Variants in FAM222A observed in about 807,000 individuals in gnomAD.
The protein encoded by FAM222A is protein FAM222A.
FAM222A carries 7 observed loss-of-function variants against 25.8 expected under a neutral mutation model. That is an observed-to-expected ratio of 0.27 (90% CI 0.15 to 0.51). FAM222A has a LOEUF of 0.51. Among genes scored for constraint, FAM222A ranks in the 20% least tolerant of loss-of-function variants. FAM222A has a pLI of 0.97. For missense variants in FAM222A, 573 were observed against 640.5 expected (o/e 0.89, Z 1.14); for synonymous variants, 294 against 298.8 (o/e 0.98, Z 0.17).
chr12:109,767,240 A>T (rs1401367301), intron 2 of FAM222A, among the ~76,000 whole-genome samples: 1 of 151,762 alleles, frequency 6.6e-6, no homozygotes, highest in Non-Finnish European at 1.5e-5. Context: ...AAGAATAGAA[A>T]GGTTGGGCCA....
At chr12:109,740,238 G>C (rs1384295590) in intron 1 of FAM222A, among the ~76,000 whole-genome samples, 1 of 152,034 alleles carries the variant, frequency 6.6e-6, no homozygotes, top group African/African-American at 2.4e-5. Context: ...AGGACACATC[G>C]ACAGCTGGGG....
chr12:109,768,543 A>G lies in FAM222A; in HGVS notation c.614A>G (p.Gln205Arg). 2 of 1,603,710 alleles carry G rather than the reference A, an allele frequency of 1.2e-6. No homozygotes were observed. The highest frequency in any genetic ancestry group is 2.2e-5 in the South Asian group (2 of 90,790). Reference sequence around the variant, plus strand: ...CCCTCCATCCACAGCCTCCTGTACCAGCTCAACCAGCAGTGCCAGGCCCCG... The same window carrying G: ...CCCTCCATCCACAGCCTCCTGTACCGGCTCAACCAGCAGTGCCAGGCCCCG... ...NLPSIHSLLYQLNQQCQAPGA... is the reference protein window; with the variant it reads ...NLPSIHSLLYRLNQQCQAPGA... Residue 205 changes from glutamine (Q) to arginine (R), a missense_variant, in exon 3 of 3, where the codon CAG becomes CGG. By Grantham distance (43) the Gln-to-Arg change is conservative. Transcript: ENST00000538780.
intron 1 of FAM222A, among the ~76,000 whole-genome samples, chr12:109,739,088 G>T (rs1291108197): frequency 6.6e-6 from 1 of 152,234 alleles, no homozygotes; most frequent in Admixed American, 6.5e-5. Flanking sequence ...AAGCCAGGTG[G>T]GTAGCTCTAG....
In FAM222A at chr12:109,769,299, G is replaced by GCGGACATA. The variant is rs754243612; in HGVS notation, c.*19_*26dup. 7 of 1,600,130 alleles carry GCGGACATA rather than the reference G, an allele frequency of 4.4e-6. No individual in the cohort carries two copies. The highest frequency in any genetic ancestry group is 1.7e-5 in the Admixed American group (1 of 59,108). ...CCCGTCTACAGATAAGGCCTGCCCT[G>GCGGACATA]CGGACATACGGACATGCGGACAGGG... On this transcript the variant is annotated 3_prime_UTR_variant, in exon 3 of 3. Transcript: ENST00000538780.
chr12:109,733,793 C>T (rs1888007226), intron 1 of FAM222A, among the ~76,000 whole-genome samples: 1 of 152,080 alleles, frequency 6.6e-6, no homozygotes, highest in Non-Finnish European at 1.5e-5. Context: ...GGGGTGGGGA[C>T]AGGGTTGGCT....
At chr12:109,717,002 C>G (rs762277721) in intron 1 of FAM222A, among the ~76,000 whole-genome samples, 19 of 152,208 alleles carry the variant, frequency 1.2e-4, no homozygotes, top group Non-Finnish European at 2.2e-4. Flanking sequence ...TGCAGAGGTT[C>G]GGTCCTGAAT....
intron 1 of FAM222A, among the ~76,000 whole-genome samples, chr12:109,732,055 T>C (rs551805803): frequency 6.6e-6 from 1 of 152,206 alleles, no homozygotes; most frequent in South Asian, 2.1e-4. Context: ...TGTAGTCACA[T>C]CACAGTAAGA....
intron 2 of FAM222A, among the ~76,000 whole-genome samples, chr12:109,751,633 A>C (rs1203286194): frequency 6.6e-6 from 1 of 152,214 alleles, no homozygotes; most frequent in Non-Finnish European, 1.5e-5. Flanking sequence ...CCTCAGACCC[A>C]GGTTCCTGAA....
At chr12:109,730,907 A>T (rs1397055680) in intron 1 of FAM222A, among the ~76,000 whole-genome samples, 1 of 152,122 alleles carries the variant, frequency 6.6e-6, no homozygotes, top group Admixed American at 6.6e-5. Context: ...CCCTGAGCCC[A>T]TCACTGTCAT....
chr12:109,753,754 C>T (rs1414677755), intron 2 of FAM222A, among the ~76,000 whole-genome samples: 1 of 150,902 alleles, frequency 6.6e-6, no homozygotes, highest in Admixed American at 6.6e-5. Context: ...GCTGGAGCTA[C>T]TGCCTAAGTG....
chr12:109,756,457 G>A (rs1481386770), intron 2 of FAM222A, among the ~76,000 whole-genome samples: 1 of 149,050 alleles, frequency 6.7e-6, no homozygotes, highest in East Asian at 2.0e-4. Context: ...GAATAGGAGT[G>A]GAAAGATACT....
At position 109,769,630 on chromosome 12, in the gene FAM222A, G is replaced by T; in HGVS notation, c.*342G>T. 1 of 320,922 alleles carries T rather than the reference G, an allele frequency of 3.1e-6. No homozygotes were observed. Among genetic ancestry groups the T allele is most frequent in the Non-Finnish European group, 5.8e-6 (1 of 172,778 alleles). 19.9% of individuals were successfully genotyped at this position (320,922 alleles called of 1,614,324 possible). Reference sequence around the variant, plus strand: ...TCTTTCTGGGCCTCCTGGGACAGGGGCCCAGGCCAAGGTGGGGTGCAGGAG... The same window carrying T: ...TCTTTCTGGGCCTCCTGGGACAGGGTCCCAGGCCAAGGTGGGGTGCAGGAG... On this transcript the variant is annotated 3_prime_UTR_variant, in exon 3 of 3. Coordinates refer to ENST00000538780, the MANE Select transcript of FAM222A (RefSeq NM_032829.3).
At chr12:109,751,547 A>G (rs973775707) in intron 2 of FAM222A, among the ~76,000 whole-genome samples, 2 of 152,240 alleles carry the variant, frequency 1.3e-5, no homozygotes, top group African/African-American at 4.8e-5. Context: ...GGGAAAAGCC[A>G]GGGCCATGTC....
At chr12:109,765,700 C>G (rs576548758) in intron 2 of FAM222A, among the ~76,000 whole-genome samples, 8 of 152,056 alleles carry the variant, frequency 5.3e-5, no homozygotes, top group Admixed American at 2.0e-4. Flanking sequence ...GTGTCAGGGA[C>G]GATGCTTTAG....
At position 109,768,631 on chromosome 12, in the gene FAM222A, C is replaced by T. The variant is rs771541336; in HGVS notation, c.702C>T (p.Gly234=). The change falls in exon 3 of 3, where the codon GGC becomes GGT. Residue 234 remains glycine (G), a synonymous_variant. Coordinates refer to ENST00000538780, the MANE Select transcript of FAM222A (RefSeq NM_032829.3). ...AIPHPSPAKH[G]PVPSFPSMAY... is the part of the protein sequence containing the mutation. ...CCCATCCCAGCCCTGCCAAGCACGG[C>T]CCAGTGCCCAGCTTCCCCAGCATGG... 3 of 1,602,016 alleles carry T rather than the reference C, an allele frequency of 1.9e-6. No individual in the cohort carries two copies. Among genetic ancestry groups the T allele is most frequent in the Non-Finnish European group, 2.5e-6 (3 of 1,179,360 alleles).
chr12:109,768,212 C>T lies in FAM222A; in HGVS notation c.283C>T (p.His95Tyr). ...SGQRYSPYPQ[H>Y]TAGYQGLLAI... ...CCAGCGCTACAGCCCCTACCCACAGCACACCGCTGGCTACCAGGGCCTTCT... is the reference window on the plus strand; with the variant it reads ...CCAGCGCTACAGCCCCTACCCACAGTACACCGCTGGCTACCAGGGCCTTCT... Residue 95 changes from histidine to tyrosine, a missense_variant, in exon 3 of 3, where the codon CAC (histidine) becomes TAC (tyrosine). His to Tyr is a moderately conservative substitution (Grantham distance 83). Around this residue, in one of 3 missense-constraint regions of FAM222A, gnomAD observed 112 missense variants for 154.6 expected, o/e 0.72. Coordinates refer to ENST00000538780, the MANE Select transcript of FAM222A (RefSeq NM_032829.3). 1 of 1,612,852 alleles carries T rather than the reference C, an allele frequency of 6.2e-7. No homozygotes were observed. The highest frequency in any genetic ancestry group is 1.3e-5 in the African/African-American group (1 of 75,034).
In FAM222A at chr12:109,769,225, G is replaced by T; in HGVS notation, c.1296G>T (p.Thr432=). Reference sequence around the variant, plus strand: ...AGATGCTGGGCAAGGGCTATGAGACGGTGGCCGTGCCCCGGCTACTCGACC... The same window carrying T: ...AGATGCTGGGCAAGGGCTATGAGACTGTGGCCGTGCCCCGGCTACTCGACC... The part of the protein sequence containing the change: ...KEQMLGKGYE[T]VAVPRLLDHQ... The change falls in exon 3 of 3, where the codon ACG becomes ACT. Residue 432 remains threonine, a synonymous_variant. Coordinates refer to ENST00000538780, the MANE Select transcript of FAM222A (RefSeq NM_032829.3). 1 of 1,611,858 alleles carries T rather than the reference G, an allele frequency of 6.2e-7. No individual in the cohort carries two copies. The highest frequency in any genetic ancestry group is 8.5e-7 in the Non-Finnish European group (1 of 1,179,614).
chr12:109,770,494 C>T lies in FAM222A; in HGVS notation c.*1206C>T, dbSNP rs147566026. 8 of 152,582 alleles carry T rather than the reference C, an allele frequency of 5.2e-5. No homozygotes were observed. In the East Asian group the frequency reaches 7.7e-4, roughly 15 times the overall value. 9.5% of individuals were successfully genotyped at this position (152,582 alleles called of 1,614,324 possible). ...AAGAGAAAGAAGAAAAAGGAAAACA[C>T]AGATGGTGTCTCAGCTGTCGGGTTG... On this transcript the variant is annotated 3_prime_UTR_variant, in exon 3 of 3. Transcript: ENST00000538780.
intron 2 of FAM222A, among the ~76,000 whole-genome samples, chr12:109,748,690 T>C (rs565621767): frequency 6.6e-6 from 1 of 152,330 alleles, no homozygotes; most frequent in Admixed American, 6.5e-5. Flanking sequence ...TTTACAACTC[T>C]TAAGTGGTGA....
Sources: gnomAD v4.1 joint callset for allele counts (sites outside exome capture counted in the v4.1 genomes callset) on GRCh38, gnomAD v4.1.1 for gene constraint, gnomAD v4.1.1 regional missense constraint, MANE v1.5 for transcripts, NCBI Gene and HGNC (gene_info 2026-07-23, HGNC 2026-07-21) for gene names.